PRKAG2: variants seen among roughly 807,000 people sequenced by gnomAD.
The protein encoded by PRKAG2 is protein kinase AMP-activated non-catalytic subunit gamma 2.
In PRKAG2, 26 loss-of-function variants were observed where a neutral mutation model predicts 69.6. The ratio of observed to expected loss-of-function variants is 0.37; its 90% CI spans 0.27 to 0.52. The LOEUF (loss-of-function observed/expected upper bound fraction) is 0.52. Ranked by LOEUF, PRKAG2 falls within the 20% of genes least tolerant of loss-of-function variation. The pLI, the probability that PRKAG2 is intolerant of heterozygous loss-of-function variation, is 0.90. For missense variants in PRKAG2, 557 were observed against 740.0 expected, an observed-to-expected ratio of 0.75 and a Z score of 2.87; for synonymous variants, 293 against 285.0, an observed-to-expected ratio of 1.03 and a Z score of -0.28.
chr7:151,691,198 TTTAAA>T (rs1375441001), intron 3 of PRKAG2, among the ~76,000 whole-genome samples: 2 of 152,190 alleles, frequency 1.3e-5, no homozygotes, highest in African/African-American at 2.4e-5. Context: ...TCCTGTATAC[TTTAAA>T]TTATCTCTGG....
chr7:151,619,114 T>A (rs931066728), intron 5 of PRKAG2, among the ~76,000 whole-genome samples: 2 of 152,188 alleles, frequency 1.3e-5, no homozygotes, highest in African/African-American at 4.8e-5. Flanking sequence ...GACAAAGCAA[T>A]GACCTTGAAA....
At chr7:151,644,773 T>C (rs1827287740) in intron 4 of PRKAG2, among the ~76,000 whole-genome samples, 1 of 152,248 alleles carries the variant, frequency 6.6e-6, no homozygotes, top group Non-Finnish European at 1.5e-5. Context: ...ACAGACTGGC[T>C]GTACCATTTT....
chr7:151,855,576 C>CTACACACACACTT (rs142216876), intron 1 of PRKAG2, among the ~76,000 whole-genome samples: 41 of 127,558 alleles, frequency 3.2e-4, no homozygotes, highest in African/African-American at 6.5e-4. Context: ...ACACACCACC[C>CTACACACACACTT]TACACACACA....
intron 4 of PRKAG2, among the ~76,000 whole-genome samples, chr7:151,669,120 C>G (rs1411174109): frequency 6.6e-6 from 1 of 152,192 alleles, no homozygotes; most frequent in African/African-American, 2.4e-5. Context: ...TCTTTTCTCT[C>G]CAATCTTTAA....
At chr7:151,588,994 C>G (rs1346304047) in intron 6 of PRKAG2, among the ~76,000 whole-genome samples, 1 of 152,210 alleles carries the variant, frequency 6.6e-6, no homozygotes, top group East Asian at 1.9e-4. Context: ...ATCCCTCTAA[C>G]TTGGCTTGGT....
Position 151,688,042 on chromosome 7 carries a change from G to GCCCCCCCCCCCCC in PRKAG2, c.467-12406_467-12405insGGGGGGGGGGGGG, listed in dbSNP as rs61417635. ...AGGAGGAGGAGGAGGAGGAAATGAG[G>GCCCCCCCCCCCCC]CCCCCCCCCGGGCTCCTTGCTGAGT... On this transcript the variant is annotated intron_variant, in intron 3 of 15. Coordinates refer to ENST00000287878, the MANE Select transcript of PRKAG2 (RefSeq NM_016203.4). Among the ~76,000 whole-genome samples, 71 of 107,004 alleles carry GCCCCCCCCCCCCC rather than the reference G, an allele frequency of 6.6e-4. 24 individuals are homozygous for GCCCCCCCCCCCCC. Among genetic ancestry groups the GCCCCCCCCCCCCC allele is most frequent in the Non-Finnish European group, 9.5e-4 (47 of 49,434 alleles). The allele number at this position is 107,004 out of a possible 152,430, so 70.2% of individuals were successfully genotyped here. A position where few individuals can be genotyped will look rare whatever the true frequency, so the allele number is the denominator to read the frequency against.
chr7:151,671,756 G>T (rs536359306), intron 4 of PRKAG2, among the ~76,000 whole-genome samples: 1 of 152,370 alleles, frequency 6.6e-6, no homozygotes, highest in East Asian at 1.9e-4. Context: ...GGCCACAGAG[G>T]CTGTGAATGA....
At chr7:151,838,357 C>T (rs375731513) in intron 1 of PRKAG2, among the ~76,000 whole-genome samples, 16 of 152,014 alleles carry the variant, frequency 1.1e-4, no homozygotes, top group Non-Finnish European at 1.3e-4. Flanking sequence ...TCAGCACCCT[C>T]GTCTCCAGCA....
At chr7:151,775,129 G>A (rs985011071) in intron 3 of PRKAG2, among the ~76,000 whole-genome samples, 2 of 152,314 alleles carry the variant, frequency 1.3e-5, no homozygotes, top group East Asian at 1.9e-4. Flanking sequence ...GCATCCTTGC[G>A]TGCATGCACA....
chr7:151,561,424 AG>A (rs1804921728), intron 14 of PRKAG2, among the ~76,000 whole-genome samples: 1 of 152,210 alleles, frequency 6.6e-6, no homozygotes, highest in Non-Finnish European at 1.5e-5. Context: ...AGCTCTTACA[AG>A]GGTTTTATTT....
chr7:151,569,094 G>T (rs1806949108), intron 10 of PRKAG2, among the ~76,000 whole-genome samples: 2 of 152,106 alleles, frequency 1.3e-5, no homozygotes, highest in Non-Finnish European at 2.9e-5. Flanking sequence ...TTGAGACAGG[G>T]TCTTGCTCTG....
intron 4 of PRKAG2, among the ~76,000 whole-genome samples, chr7:151,635,031 C>A (rs1825507844): frequency 6.6e-6 from 1 of 151,042 alleles, no homozygotes; most frequent in African/African-American, 2.4e-5. Context: ...CTCACTGCAA[C>A]CTCTACCTCC....
intron 4 of PRKAG2, among the ~76,000 whole-genome samples, chr7:151,671,032 G>T (rs937975252): frequency 1.3e-5 from 2 of 152,030 alleles, no homozygotes; most frequent in African/African-American, 4.8e-5. Context: ...AAATTAGCTG[G>T]GTGTGGTGGT....
chr7:151,707,683 G>A (rs1838855830), intron 3 of PRKAG2, among the ~76,000 whole-genome samples: 3 of 152,216 alleles, frequency 2.0e-5, no homozygotes, highest in South Asian at 4.1e-4. Flanking sequence ...TCCTGAGGGA[G>A]AACTGGGTCC....
chr7:151,810,251 GC>G (rs931295108), intron 1 of PRKAG2: 18 of 152,274 alleles, frequency 1.2e-4, no homozygotes, highest in African/African-American at 4.3e-4. Flanking sequence ...ATGTGACTTG[GC>G]CAACGCAGCT....
At chr7:151,764,892 G>T (rs1009758488) in intron 3 of PRKAG2, among the ~76,000 whole-genome samples, 12 of 152,258 alleles carry the variant, frequency 7.9e-5, no homozygotes, top group Admixed American at 7.8e-4. Flanking sequence ...TAACACACCT[G>T]CCCTCTGCCT....
chr7:151,587,089 C>T (rs561673052), intron 6 of PRKAG2, among the ~76,000 whole-genome samples: 2 of 152,016 alleles, frequency 1.3e-5, no homozygotes, highest in South Asian at 2.1e-4. Context: ...TCAAGTGAGC[C>T]GAGATTGCGC....
chr7:151,848,800 C>T (rs6975127), intron 1 of PRKAG2, among the ~76,000 whole-genome samples: 40,504 of 152,074 alleles, frequency 0.27, 6,332 homozygotes, highest in East Asian at 0.66. Flanking sequence ...GCTGGGATCA[C>T]AGGCGTGAGC....
rs1009923895 is a variant in PRKAG2, at chr7:151,719,131, C to G, written c.467-43494G>C. Among the ~76,000 whole-genome samples the G allele has an allele frequency of 6.6e-6, 1 of 152,160 alleles. No homozygotes were observed. Among genetic ancestry groups the G allele is most frequent in the South Asian group, 2.1e-4 (1 of 4,796 alleles). On this transcript the variant is annotated intron_variant, in intron 3 of 15. Transcript: ENST00000287878. This position sits in a 1 kb window ranked among gnomAD's most constrained non-coding sequence, Gnocchi z 5.2. ...GCCACCCTGTTCCCCGAGCGTTGCTCCGGGAGACGAGATGTATCTTGCAAC... is the reference window on the plus strand; with the variant it reads ...GCCACCCTGTTCCCCGAGCGTTGCTGCGGGAGACGAGATGTATCTTGCAAC...
Sources: allele counts gnomAD v4.1 joint callset (sites outside exome capture counted in the v4.1 genomes callset), GRCh38; gene constraint gnomAD v4.1.1; non-coding constraint Gnocchi (gnomAD v3.1); transcripts MANE v1.5; gene names NCBI Gene and HGNC (gene_info 2026-07-23, HGNC 2026-07-21).